The following PLEC variants were observed in gnomAD, a reference collection of about 807,000 sequenced individuals.
PLEC encodes the protein plectin, also known as hemidesmosomal protein 1.
PLEC carries 216 observed loss-of-function variants against 392.8 expected under a neutral mutation model. That is an observed-to-expected ratio of 0.55 (90% confidence interval 0.49 to 0.62). The LOEUF (loss-of-function observed/expected upper bound fraction) is 0.62. Ranked by LOEUF, PLEC falls within the 20% of genes least tolerant of loss-of-function variation. The pLI, the probability that PLEC is intolerant of heterozygous loss-of-function variation, is 0.00. For synonymous variants in PLEC, 3,621 were observed against 2,980.6 expected (o/e 1.21, Z -7.00); for missense variants, 6,863 against 6,563.4 (o/e 1.05, Z -1.58).
chr8:143,930,337 T>C, intron 20 of PLEC, 39 bp from the exon 21 acceptor site: 3 of 1,588,648 alleles, frequency 1.9e-6, no homozygotes, highest in Non-Finnish European at 2.6e-6. Flanking sequence ...GGCCACACCC[T>C]GCCCTGCCTG....
rs1554713336 is a variant in PLEC at position 143,930,243 on chromosome 8, T to C, written c.2513A>G (p.His838Arg). 1.9e-6 allele frequency: 3 copies of C among 1,597,888 alleles called. No homozygotes were observed. The highest frequency in any genetic ancestry group is 4.5e-5 in the East Asian group (2 of 44,498). ...GCCGGAGCTGCTGAGCACCTTCCAG[T>C]GGGACGGCTGTGCAGGGCCCACCAG... is the stretch of plus-strand genomic sequence containing the variant. The part of the protein sequence containing the change: ...CQLVGPAQPS[H>R]WKVLSSSGSE... The change falls in exon 21 of 32, where the codon CAC becomes CGC. Residue 838 changes from histidine (H) to arginine (R), a missense_variant. Transcript: ENST00000345136.
At chr8:143,944,782 G>T in intron 1 of PLEC, 7 of 1,104,116 alleles carry the variant, frequency 6.3e-6, no homozygotes, top group Non-Finnish European at 8.2e-6. Flanking sequence ...GGAGGGCACG[G>T]CCGTGCTGCT....
At chr8:143,942,478 TCCCTCGGCGAGGCA>T (rs1554729528), upstream of PLEC, 6 of 1,595,508 alleles carry the variant, frequency 3.8e-6, no homozygotes, top group Non-Finnish European at 5.1e-6. Context: ...CAGCAAGACC[TCCCTCGGCGAGGCA>T]AAGGCGCCCC....
At chr8:143,931,322 G>A (rs1177349387) in intron 19 of PLEC, among the ~76,000 whole-genome samples, 1 of 107,722 alleles carries the variant, frequency 9.3e-6, no homozygotes, top group African/African-American at 2.7e-5. Flanking sequence ...CCCAACTCCT[G>A]CTGGCCCCTC....
intron 1 of PLEC, among the ~76,000 whole-genome samples, chr8:143,970,993 G>C (rs537744598): frequency 1.2e-4 from 19 of 152,366 alleles, no homozygotes; most frequent in African/African-American, 4.6e-4. Context: ...CCCTGGATGG[G>C]GGACAGGGAG....
In PLEC at chr8:143,922,276, C is replaced by T. The variant is rs782093350; in HGVS notation, c.7545G>A (p.Lys2515=). Residue 2515 remains lysine (K), a synonymous_variant, in exon 32 of 32, where the codon AAG becomes AAA. Transcript: ENST00000345136. ...CCTCGTCCTGGAAGAGCTGCTCCAG[C>T]TTGGCCTTCTCCTGCTCGATGAAGC... ...RERFIEQEKA[K]LEQLFQDEVA... 1.7e-5 allele frequency: 27 copies of T among 1,605,004 alleles called. No individual in the cohort carries two copies. The highest frequency in any genetic ancestry group is 2.3e-5 in the Non-Finnish European group (27 of 1,178,608).
Position 143,927,996 on chromosome 8 carries a change from G to C in PLEC, c.3261-4C>G. 1 of 1,590,266 alleles carries C rather than the reference G, an allele frequency of 6.3e-7. No homozygotes were observed. Among genetic ancestry groups the C allele is most frequent in the Non-Finnish European group, 8.6e-7 (1 of 1,163,882 alleles). On this transcript the variant is annotated splice_region_variant and splice_polypyrimidine_tract_variant and intron_variant, in intron 25 of 31. Coordinates refer to ENST00000345136, the MANE Select transcript of PLEC (RefSeq NM_201384.3). Reference sequence around the variant, plus strand: ...CACCAGGCTGATGGTCTTGAGCCTGGCGGGAAAGCGGGGCTCAGGGCCATG... The same window carrying C: ...CACCAGGCTGATGGTCTTGAGCCTGCCGGGAAAGCGGGGCTCAGGGCCATG...
In PLEC at chr8:143,925,075, G is replaced by T. The variant is rs7011480; in HGVS notation, c.4854C>A (p.Ala1618=). Residue 1618 remains alanine, a synonymous_variant, in exon 31 of 32, where the codon GCC becomes GCA. Coordinates refer to ENST00000345136, the MANE Select transcript of PLEC (RefSeq NM_201384.3). ...CCTCCTCGCGCGCCCGCTCGGCCTC[G>T]GCCTGCTGCTGTGCCCGCCGCTCAG... ...EEAERRAQQQ[A]EAERAREEAE... is the part of the protein sequence containing the mutation. 6.5e-6 allele frequency: 10 copies of T among 1,538,326 alleles called. No individual in the cohort carries two copies. Among genetic ancestry groups the T allele is most frequent in the Non-Finnish European group, 8.7e-6 (10 of 1,149,008 alleles).
Position 143,925,091 on chromosome 8 carries a change from C to T in PLEC, c.4838G>A (p.Arg1613Gln), listed in dbSNP as rs782102511. The T allele has an allele frequency of 2.0e-5, 31 of 1,546,550 alleles. No individual in the cohort carries two copies. In the African/African-American group the frequency reaches 3.0e-4, roughly 15 times the overall value. ...VAQLREEAER[R>Q]AQQQAEAERA... ...CTCGGCCTCGGCCTGCTGCTGTGCCCGCCGCTCAGCCTCCTCCCGCAGCTG... is the reference window on the plus strand; with the variant it reads ...CTCGGCCTCGGCCTGCTGCTGTGCCTGCCGCTCAGCCTCCTCCCGCAGCTG... The change falls in exon 31 of 32, where the codon CGG becomes CAG. Residue 1613 changes from arginine to glutamine, a missense_variant. Physicochemically the swap from Arg to Gln is conservative, Grantham distance 43. Coordinates refer to ENST00000345136, the MANE Select transcript of PLEC (RefSeq NM_201384.3).
chr8:143,944,691 C>T, intron 1 of PLEC: 2 of 1,322,300 alleles, frequency 1.5e-6, no homozygotes, highest in Non-Finnish European at 9.7e-7. Context: ...GCCCACGGGG[C>T]AGACGGAGCG....
chr8:143,929,794 G>A lies in PLEC; in HGVS notation c.2775C>T (p.Ala925=), dbSNP rs201202488. Residue 925 remains alanine (A), a synonymous_variant, in exon 23 of 32, where the codon GCC becomes GCT. Coordinates refer to ENST00000345136, the MANE Select transcript of PLEC (RefSeq NM_201384.3). ...RTLKPEEQRQ[A]LHSLELHYQA... ...GGTAGTGCAGCTCCAGGCTGTGCAGGGCTTGGCGCTGCTCCTCTGGCTTCA... is the reference window on the plus strand; with the variant it reads ...GGTAGTGCAGCTCCAGGCTGTGCAGAGCTTGGCGCTGCTCCTCTGGCTTCA... 1.2e-3 allele frequency: 1,857 copies of A among 1,599,640 alleles called. 1 individual carries two copies. The highest frequency in any genetic ancestry group is 1.5e-3 in the Admixed American group (90 of 59,900).
In PLEC at chr8:143,946,411, G is replaced by A. The variant is rs1554732247; in HGVS notation, c.523+3773C>T. The A allele has an allele frequency of 2.3e-6, 3 of 1,287,166 alleles. No individual in the cohort carries two copies. In the South Asian group the frequency reaches 3.7e-5, roughly 16 times the overall value. The allele number at this position is 1,287,166 out of a possible 1,614,324, so 79.7% of individuals were successfully genotyped here. A position where few individuals can be genotyped will look rare whatever the true frequency, so the allele number is the denominator to read the frequency against. ...TGTCCATGGCTGCCACACAGGCCAG[G>A]CTGCTCCGAGAGCCGGCAGGGAGGA... On this transcript the variant is annotated intron_variant, in intron 1 of 31. Coordinates refer to the PLEC transcript ENST00000322810.
rs1554688925 is a variant in PLEC, at chr8:143,922,219, C to T, written c.7602G>A (p.Gln2534=). ...VAKAQQLREE[Q]QRQQQQMEQE... ...GCTCCATCTGCTGCTGCTGCCGCTGCTGCTCCTCACGCAGCTGCTGTGCCT... is the reference window on the plus strand; with the variant it reads ...GCTCCATCTGCTGCTGCTGCCGCTGTTGCTCCTCACGCAGCTGCTGTGCCT... Residue 2534 remains glutamine, a synonymous_variant, in exon 32 of 32, where the codon CAG becomes CAA. Transcript: ENST00000345136. 2 of 1,568,302 alleles carry T rather than the reference C, an allele frequency of 1.3e-6. No individual in the cohort carries two copies. The highest frequency in any genetic ancestry group is 1.7e-6 in the Non-Finnish European group (2 of 1,160,094).
rs782351381 is a variant in PLEC at position 143,917,686 on chromosome 8, G to A, written c.12135C>T (p.Ala4045=). The A allele has an allele frequency of 1.4e-5, 23 of 1,613,428 alleles. No individual in the cohort carries two copies. The South Asian group carries it at 2.4e-4, about 17-fold the overall frequency. Residue 4045 remains alanine, a synonymous_variant, in exon 32 of 32, where the codon GCC becomes GCT. Transcript: ENST00000345136. The stretch of plus-strand genomic sequence containing the variant: ...CGATGATGCCGCCCGTGGCGATCTG[G>A]GCCTCCAGCAGGCGGATGCCATGGT... ...LKDHGIRLLE[A]QIATGGIIDP...
intron 1 of PLEC, chr8:143,944,639 C>T: frequency 1.5e-6 from 2 of 1,346,304 alleles, no homozygotes; most frequent in Admixed American, 3.0e-5. Flanking sequence ...TCAAGGGCTG[C>T]CCACCTACCG....
rs781855382 is a variant in PLEC, at chr8:143,925,390, C to T, written c.4539G>A (p.Ala1513=). 5.3e-5 allele frequency: 83 copies of T among 1,580,490 alleles called. No homozygotes were observed. In the East Asian group the frequency reaches 9.3e-4, roughly 18 times the overall value. ...VQDESQRKRQ[A]EVELASRVKA... ...TCACGCGCGAGGCCAGCTCCACCTCCGCCTGCCGCTTACGCTGGCTCTCGT... is the reference window on the plus strand; with the variant it reads ...TCACGCGCGAGGCCAGCTCCACCTCTGCCTGCCGCTTACGCTGGCTCTCGT... The change falls in exon 31 of 32, where the codon GCG becomes GCA. Residue 1513 remains alanine, a synonymous_variant. Coordinates refer to ENST00000345136, the MANE Select transcript of PLEC (RefSeq NM_201384.3).
rs1554717563 is a variant in PLEC at position 143,932,619 on chromosome 8, C to A, written c.1815+16G>T. On this transcript the variant is annotated intron_variant, in intron 15 of 31. Transcript: ENST00000345136. ...CGGGCTACCCACCTCCCCCGGCTGG[C>A]CCTGCCCCCACTCACCAGCAGCTTG... 4 of 1,610,946 alleles carry A rather than the reference C, an allele frequency of 2.5e-6. No homozygotes were observed. Among genetic ancestry groups the A allele is most frequent in the East Asian group, 4.5e-5 (2 of 44,856 alleles).
Position 143,929,581 on chromosome 8 carries a change from A to C in PLEC, c.2924-10T>G, listed in dbSNP as rs1826468953. 1.2e-6 allele frequency: 2 copies of C among 1,612,166 alleles called. No individual in the cohort carries two copies. The highest frequency in any genetic ancestry group is 8.5e-7 in the Non-Finnish European group (1 of 1,179,876). Reference sequence around the variant, plus strand: ...GACTCTTCCTGTGCACCTGGGGAACACATGTGGGTCACTCCACCGCCCACC... The same window carrying C: ...GACTCTTCCTGTGCACCTGGGGAACCCATGTGGGTCACTCCACCGCCCACC... On this transcript the variant is annotated splice_polypyrimidine_tract_variant and intron_variant, in intron 23 of 31. Transcript: ENST00000345136.
Position 143,933,354 on chromosome 8 carries a change from G to A in PLEC, c.1264-3C>T, listed in dbSNP as rs782725339. The A allele has an allele frequency of 6.2e-7, 1 of 1,610,134 alleles. No individual in the cohort carries two copies. The highest frequency in any genetic ancestry group is 8.5e-7 in the Non-Finnish European group (1 of 1,179,946). Reference sequence around the variant, plus strand: ...CCTGCAGCCAGCAGCCGGACATCCTGCAAGGTCGTTGCCATGACTCGGAGC... The same window carrying A: ...CCTGCAGCCAGCAGCCGGACATCCTACAAGGTCGTTGCCATGACTCGGAGC... On this transcript the variant is annotated splice_region_variant and splice_polypyrimidine_tract_variant and intron_variant, in intron 12 of 31. Coordinates refer to ENST00000345136, the MANE Select transcript of PLEC (RefSeq NM_201384.3).
Sources: gnomAD v4.1 joint callset for allele counts (sites outside exome capture counted in the v4.1 genomes callset) on GRCh38, gnomAD v4.1.1 for gene constraint, MANE v1.5 for transcripts, NCBI Gene and HGNC (gene_info 2026-07-23, HGNC 2026-07-21) for gene names.